Variants in CNTN4 observed in about 807,000 individuals in gnomAD.
CNTN4 encodes contactin-4.
A neutral mutation model predicts 122.5 loss-of-function variants in CNTN4; 77 were observed. That is an observed-to-expected ratio of 0.63 (90% CI 0.52 to 0.76). The LOEUF is 0.76. Among genes scored for constraint, CNTN4 ranks in the 30% least tolerant of loss-of-function variants. The pLI is 0.00. For missense variants in CNTN4, 1,256 were observed against 1,259.1 expected (o/e 1.00, Z 0.04); for synonymous variants, 512 against 447.0 (o/e 1.15, Z -1.83).
At chr3:2,803,621 G>A (rs62234190) in intron 6 of CNTN4, among the ~76,000 whole-genome samples, 7,711 of 150,822 alleles carry the variant, frequency 0.051, 277 homozygotes, top group Non-Finnish European at 0.077. Context: ...GTGCAGTGGC[G>A]TGATCTTGGC....
intron 7 of CNTN4, among the ~76,000 whole-genome samples, chr3:2,843,103 C>T (rs67182448): frequency 0.5 from 76,517 of 151,982 alleles, 19,502 homozygotes; most frequent in South Asian, 0.55. Context: ...CGTGGTTGTC[C>T]AGTAGGCATC....
At chr3:2,219,886 T>A (rs1559352949) in intron 2 of CNTN4, among the ~76,000 whole-genome samples, 1 of 152,154 alleles carries the variant, frequency 6.6e-6, no homozygotes, top group Non-Finnish European at 1.5e-5. Flanking sequence ...CATACCATGC[T>A]TCTATTTATT....
At chr3:2,211,875 A>G (rs2038637475) in intron 2 of CNTN4, among the ~76,000 whole-genome samples, 1 of 152,192 alleles carries the variant, frequency 6.6e-6, no homozygotes, top group Non-Finnish European at 1.5e-5. Context: ...TGTATAGGGT[A>G]TGTTTTTAAA....
At chr3:2,469,860 A>T (rs964087525) in intron 3 of CNTN4, among the ~76,000 whole-genome samples, 2 of 152,184 alleles carry the variant, frequency 1.3e-5, no homozygotes, top group African/African-American at 2.4e-5. Flanking sequence ...TCACTGTCTA[A>T]TTTAACTCAT....
At chr3:2,861,055 C>A (rs2093666308) in intron 7 of CNTN4, among the ~76,000 whole-genome samples, 1 of 152,064 alleles carries the variant, frequency 6.6e-6, no homozygotes, top group African/African-American at 2.4e-5. Context: ...GAAAAAAATG[C>A]CAAAAGAAAC....
chr3:2,577,384 T>G (rs983431477), intron 4 of CNTN4, among the ~76,000 whole-genome samples: 2 of 152,240 alleles, frequency 1.3e-5, no homozygotes, highest in African/African-American at 2.4e-5. Context: ...GCATAATACA[T>G]GCTCACAAAC....
rs1272811823 is a variant in CNTN4 at position 3,057,829 on chromosome 3, A to G, written c.*1609A>G. On this transcript the variant is annotated 3_prime_UTR_variant, in exon 25 of 25. Transcript: ENST00000418658. ...TCACATGCAAAAAAAAAATCAGCAA[A>G]ATAATAAAATGAACGAAAAAAAATG... The G allele has an allele frequency of 1.3e-5, 2 of 152,648 alleles. No individual in the cohort carries two copies. Among genetic ancestry groups the G allele is most frequent in the Non-Finnish European group, 2.9e-5 (2 of 68,048 alleles). 9.5% of individuals were successfully genotyped at this position (152,648 alleles called of 1,614,324 possible). A position where few individuals can be genotyped will look rare whatever the true frequency, so the allele number is the denominator to read the frequency against.
chr3:2,669,038 T>C (rs2150357559), intron 4 of CNTN4, among the ~76,000 whole-genome samples: 1 of 152,320 alleles, frequency 6.6e-6, no homozygotes, highest in Admixed American at 6.5e-5. Context: ...TCAGGTATAT[T>C]GGTCTAAAAT....
chr3:2,620,363 G>C (rs1210111125), intron 4 of CNTN4, among the ~76,000 whole-genome samples: 1 of 152,258 alleles, frequency 6.6e-6, no homozygotes, highest in Non-Finnish European at 1.5e-5. Context: ...AGCCAGGCAT[G>C]GTGGCATGTG....
intron 2 of CNTN4, among the ~76,000 whole-genome samples, chr3:2,325,928 C>T (rs2043438841): frequency 6.6e-6 from 1 of 152,026 alleles, no homozygotes; most frequent in Non-Finnish European, 1.5e-5. Flanking sequence ...ATATTTGAGC[C>T]TGTTTTGGGG....
At chr3:2,524,714 G>A (rs941091950) in intron 3 of CNTN4, among the ~76,000 whole-genome samples, 3 of 152,034 alleles carry the variant, frequency 2.0e-5, no homozygotes, top group African/African-American at 7.2e-5. Flanking sequence ...TTCAGTAGTG[G>A]CACACTGTCC....
intron 10 of CNTN4, among the ~76,000 whole-genome samples, chr3:2,896,851 T>C (rs1028180886): frequency 6.6e-6 from 1 of 152,004 alleles, no homozygotes; most frequent in Non-Finnish European, 1.5e-5. Flanking sequence ...TGGAGATGAT[T>C]CATCTTCTCC....
chr3:2,309,260 T>C (rs553073066), intron 2 of CNTN4, among the ~76,000 whole-genome samples: 113 of 152,278 alleles, frequency 7.4e-4, no homozygotes, highest in African/African-American at 2.6e-3. Context: ...AGTGTGATAT[T>C]AGTAATGCTG....
intron 3 of CNTN4, among the ~76,000 whole-genome samples, chr3:2,509,678 T>C (rs985458244): frequency 6.6e-6 from 1 of 152,202 alleles, no homozygotes; most frequent in Non-Finnish European, 1.5e-5. Context: ...ATCACGAAAG[T>C]GTTGATCCAT....
At chr3:2,888,584 A>C (rs1033501620) in intron 10 of CNTN4, among the ~76,000 whole-genome samples, 1 of 152,260 alleles carries the variant, frequency 6.6e-6, no homozygotes, top group Admixed American at 6.5e-5. Flanking sequence ...AGGGTTGCAC[A>C]TGCAGATGGT....
rs957716633 is a variant in CNTN4, at chr3:2,754,971, G to A, written c.358+9274G>A. On this transcript the variant is annotated intron_variant, in intron 6 of 24. Transcript: ENST00000418658. ...TTAATCTGAGTTCTCTTTAACTGGG[G>A]CACACTCTGACAACTGTAATGATGG... Among the ~76,000 whole-genome samples, 4 of 152,174 alleles carry A rather than the reference G, an allele frequency of 2.6e-5. No individual in the cohort carries two copies. The South Asian group carries it at 8.3e-4, about 32-fold the overall frequency.
At chr3:2,205,462 A>G (rs1052417992) in intron 2 of CNTN4, among the ~76,000 whole-genome samples, 4 of 151,838 alleles carry the variant, frequency 2.6e-5, no homozygotes, top group South Asian at 2.1e-4. Context: ...CTCTAACTCA[A>G]ACTTCTACCA....
chr3:2,193,646 C>T (rs1428091124), intron 2 of CNTN4, among the ~76,000 whole-genome samples: 1 of 152,168 alleles, frequency 6.6e-6, no homozygotes, highest in Non-Finnish European at 1.5e-5. Context: ...TATAATCATG[C>T]ACCACATAAT....
intron 4 of CNTN4, among the ~76,000 whole-genome samples, chr3:2,640,037 C>T (rs2082834092): frequency 6.6e-6 from 1 of 152,162 alleles, no homozygotes; most frequent in Non-Finnish European, 1.5e-5. Context: ...AAATCATCAA[C>T]ATTTATATGT....
Sources: allele counts gnomAD v4.1 joint callset (sites outside exome capture counted in the v4.1 genomes callset), GRCh38; gene constraint gnomAD v4.1.1; transcripts MANE v1.5; gene names NCBI Gene and HGNC (gene_info 2026-07-23, HGNC 2026-07-21).